The following PIK3C2G variants were observed in gnomAD, a reference collection of about 807,000 sequenced individuals.
PIK3C2G encodes the protein phosphatidylinositol-4-phosphate 3-kinase catalytic subunit type 2 gamma.
Under a neutral mutation model 181.1 loss-of-function variants are expected in PIK3C2G, and 168 were observed. That is an observed-to-expected ratio of 0.93 (90% confidence interval 0.82 to 1.05). PIK3C2G has a LOEUF of 1.05. Ranked by LOEUF, PIK3C2G falls within the 50% of genes least tolerant of loss-of-function variation. The pLI is 0.00. For synonymous variants in PIK3C2G, 573 were observed against 592.2 expected, an observed-to-expected ratio of 0.97 and a Z score of 0.47; for missense variants, 1,869 against 1,732.8, an observed-to-expected ratio of 1.08 and a Z score of -1.40.
chr12:18,398,175 G>A (rs895226482), intron 15 of PIK3C2G, among the ~76,000 whole-genome samples: 2 of 152,038 alleles, frequency 1.3e-5, no homozygotes, highest in East Asian at 1.9e-4. Context: ...TCTGGTACAT[G>A]CATTTGTAAA....
At chr12:18,580,094 C>G (rs1443396195) in intron 29 of PIK3C2G, among the ~76,000 whole-genome samples, 1 of 150,652 alleles carries the variant, frequency 6.6e-6, no homozygotes, top group East Asian at 2.0e-4. Flanking sequence ...GTTCGCACCA[C>G]TGCACTCCAG....
intron 26 of PIK3C2G, among the ~76,000 whole-genome samples, chr12:18,561,317 A>G (rs1945330812): frequency 6.6e-6 from 1 of 152,204 alleles, no homozygotes; most frequent in African/African-American, 2.4e-5. Flanking sequence ...TCAATAAAAA[A>G]ATGGAGGTGG....
chr12:18,301,248 T>A (rs1950163708), intron 5 of PIK3C2G, among the ~76,000 whole-genome samples: 1 of 152,168 alleles, frequency 6.6e-6, no homozygotes, highest in African/African-American at 2.4e-5. Flanking sequence ...GATTTCTAAA[T>A]CCCTAGCAAA....
chr12:18,678,652 GATTC>G, the PIK3C2G span, among the ~76,000 whole-genome samples: 11 of 151,868 alleles, frequency 7.2e-5, no homozygotes, highest in African/African-American at 2.7e-4. Flanking sequence ...TAATCATTTT[GATTC>G]ATTGTTATTA....
At chr12:18,304,768 G>A (rs1469814329) in intron 5 of PIK3C2G, among the ~76,000 whole-genome samples, 1 of 152,140 alleles carries the variant, frequency 6.6e-6, no homozygotes, top group African/African-American at 2.4e-5. Flanking sequence ...TGAAGTTAAG[G>A]ATTTCACTTA....
intron 29 of PIK3C2G, among the ~76,000 whole-genome samples, chr12:18,592,188 A>G (rs1352726055): frequency 6.6e-6 from 1 of 151,906 alleles, no homozygotes; most frequent in African/African-American, 2.4e-5. Context: ...AGATTTATGC[A>G]TCATTATAGA....
intron 24 of PIK3C2G, among the ~76,000 whole-genome samples, chr12:18,533,608 T>C (rs1943672435): frequency 6.6e-6 from 1 of 152,170 alleles, no homozygotes; most frequent in South Asian, 2.1e-4. Context: ...TTCAAAACAC[T>C]ATTGTTCTTA....
chr12:18,681,106 A>G, the PIK3C2G span, among the ~76,000 whole-genome samples: 2 of 151,972 alleles, frequency 1.3e-5, no homozygotes, highest in African/African-American at 4.8e-5. Context: ...GTCCGGGTTG[A>G]TGCTCTGTGA....
At chr12:18,650,331 C>CTCTCTA (rs1555163997), downstream of PIK3C2G, among the ~76,000 whole-genome samples, 80 of 91,964 alleles carry the variant, frequency 8.7e-4, no homozygotes, top group Admixed American at 1.5e-3. Context: ...CTCTCTCTCT[C>CTCTCTA]TATATATATA....
At chr12:18,619,900 ATTTTTAGTAGAGACAGGG>A (rs1351726169) in intron 31 of PIK3C2G, among the ~76,000 whole-genome samples, 2 of 151,830 alleles carry the variant, frequency 1.3e-5, no homozygotes, top group Non-Finnish European at 2.9e-5. Context: ...AATTTATTGT[ATTTTTAGTAGAGACAGGG>A]TTTCACCATG....
chr12:18,322,390 A>AT (rs895094859), intron 7 of PIK3C2G, among the ~76,000 whole-genome samples: 181 of 151,714 alleles, frequency 1.2e-3, no homozygotes, highest in Middle Eastern at 3.4e-3. Flanking sequence ...TCAAAAAAAA[A>AT]AATAATAATT....
chr12:18,711,300 C>T, the PIK3C2G span, among the ~76,000 whole-genome samples: 3 of 143,846 alleles, frequency 2.1e-5, no homozygotes, highest in East Asian at 2.1e-4. Context: ...AACCAAACAC[C>T]GCATGTTCTC....
upstream of PIK3C2G, among the ~76,000 whole-genome samples, chr12:18,257,819 AAG>A (rs200704395): frequency 1.1e-4 from 16 of 145,814 alleles, no homozygotes; most frequent in South Asian, 2.3e-4. Flanking sequence ...AAGAAGGAGA[AAG>A]AGAAAGAAAG....
At chr12:18,251,541 G>A (rs967571757) in intron 1 of PIK3C2G, among the ~76,000 whole-genome samples, 2 of 151,862 alleles carry the variant, frequency 1.3e-5, no homozygotes, top group African/African-American at 4.8e-5. Context: ...ATACATCAAT[G>A]TGTCCCACTC....
chr12:18,494,448 T>A (rs1940839241), intron 20 of PIK3C2G, among the ~76,000 whole-genome samples: 1 of 151,930 alleles, frequency 6.6e-6, no homozygotes, highest in African/African-American at 2.4e-5. Context: ...TTAATAGGCT[T>A]TGTGAGGGGA....
At chr12:18,663,839 A>G in the PIK3C2G span, among the ~76,000 whole-genome samples, 1 of 152,330 alleles carries the variant, frequency 6.6e-6, no homozygotes, top group Non-Finnish European at 1.5e-5. Flanking sequence ...ATATTAGCAA[A>G]TCATACATCT....
the PIK3C2G span, among the ~76,000 whole-genome samples, chr12:18,726,271 T>TATTAATC: frequency 6.6e-6 from 1 of 152,174 alleles, no homozygotes; most frequent in African/African-American, 2.4e-5. Flanking sequence ...AAATGTTTCG[T>TATTAATC]ATTAATCATT....
At chr12:18,342,019 T>C (rs1362555724) in intron 9 of PIK3C2G, among the ~76,000 whole-genome samples, 3 of 152,154 alleles carry the variant, frequency 2.0e-5, no homozygotes, top group African/African-American at 7.2e-5. Flanking sequence ...ATTCCAGAAC[T>C]CACATAATTT....
intron 24 of PIK3C2G, among the ~76,000 whole-genome samples, chr12:18,516,886 A>G (rs1942585827): frequency 6.6e-6 from 1 of 151,922 alleles, no homozygotes. Flanking sequence ...TATATTTTTT[A>G]AACATTTTCT....
Sources: allele counts gnomAD v4.1 joint callset (sites outside exome capture counted in the v4.1 genomes callset), GRCh38; gene constraint gnomAD v4.1.1; transcripts MANE v1.5; gene names NCBI Gene and HGNC (gene_info 2026-07-23, HGNC 2026-07-21).